The following RBM34 variants were observed in gnomAD, a reference collection of about 807,000 sequenced individuals.
The protein encoded by RBM34 is RNA-binding protein 34.
Under a neutral mutation model 44.6 loss-of-function variants are expected in RBM34, and 39 were observed. The observed-to-expected ratio is 0.87, with a 90% confidence interval of 0.68 to 1.14. RBM34 has a LOEUF of 1.14. Ranked by LOEUF, RBM34 falls within the 50% of genes most tolerant of loss-of-function variation. RBM34 has a pLI of 0.00. For missense variants in RBM34, 572 were observed against 517.9 expected (o/e 1.10, Z -1.01); for synonymous variants, 194 against 184.0 (o/e 1.05, Z -0.44).
intron 10 of RBM34, among the ~76,000 whole-genome samples, chr1:235,134,585 C>G (rs1347231663): frequency 6.6e-6 from 1 of 152,144 alleles, no homozygotes; most frequent in Non-Finnish European, 1.5e-5. Flanking sequence ...ATTATTTACT[C>G]TATCATACAG....
chr1:235,158,613 ATTAAGT>A (rs1208389292), intron 3 of RBM34, among the ~76,000 whole-genome samples: 2 of 152,168 alleles, frequency 1.3e-5, no homozygotes, highest in African/African-American at 4.8e-5. Context: ...GTACAGATGC[ATTAAGT>A]TTAAATAGGA....
At chr1:235,152,822 T>A in intron 4 of RBM34, 57 bp from the exon 5 acceptor site, 7 of 1,343,498 alleles carry the variant, frequency 5.2e-6, no homozygotes, top group South Asian at 1.3e-5. Context: ...AAATAAGTGC[T>A]ACAAAAAGGA....
intron 3 of RBM34, 107 bp downstream of exon 3, chr1:235,160,402 GTT>G: frequency 7.1e-7 from 1 of 1,401,464 alleles, no homozygotes; most frequent in Non-Finnish European, 9.9e-7. Flanking sequence ...CATAATAAAA[GTT>G]TTGAAAGAAA....
chr1:235,155,131 A>T lies in RBM34; in HGVS notation c.366-19T>A. On this transcript the variant is annotated intron_variant, in intron 3 of 10. Coordinates refer to ENST00000408888, the MANE Select transcript of RBM34 (RefSeq NM_015014.4). ...GCTTTCCCTTTTTAAGGCAAAAAAT[A>T]AAATAAGCAGTAAGAGTCATGCCAG... The T allele has an allele frequency of 6.2e-7, 1 of 1,600,476 alleles. No individual in the cohort carries two copies. Among genetic ancestry groups the T allele is most frequent in the Non-Finnish European group, 8.5e-7 (1 of 1,171,254 alleles).
intron 6 of RBM34, among the ~76,000 whole-genome samples, chr1:235,141,050 C>G (rs971252621): frequency 2.7e-5 from 4 of 150,172 alleles, no homozygotes; most frequent in Admixed American, 6.6e-5. Flanking sequence ...TCTGGTGGGG[C>G]CTTGGACAAC....
chr1:235,140,316 C>T (rs1229993708), intron 6 of RBM34, among the ~76,000 whole-genome samples: 1 of 152,162 alleles, frequency 6.6e-6, no homozygotes, highest in Non-Finnish European at 1.5e-5. Context: ...CAGGGCTGCG[C>T]GGCGCTTGCG....
At chr1:235,152,870 CTT>C (rs11351017) in intron 4 of RBM34, 105 bp from the exon 5 acceptor site, 57,842 of 584,690 alleles carry the variant, frequency 0.099, no homozygotes, top group South Asian at 0.16. Flanking sequence ...TACTGCCAGG[CTT>C]TTTTTTTTTT....
chr1:235,135,438 AG>A (rs1359296062), intron 10 of RBM34, among the ~76,000 whole-genome samples: 3 of 151,998 alleles, frequency 2.0e-5, no homozygotes, highest in Non-Finnish European at 4.4e-5. Flanking sequence ...CATGTGGGCC[AG>A]GCTGGTCTCA....
In RBM34 at chr1:235,153,014, C is replaced by T. The variant is rs550966587; in HGVS notation, c.598-249G>A. ...CCTCCCAAGTAGCTGGGATTACAGG[C>T]GCCCGCCACCATGCTCAGCTAATTT... On this transcript the variant is annotated intron_variant, in intron 4 of 10. Transcript: ENST00000408888. Among the ~76,000 whole-genome samples, 26 of 144,262 alleles carry T rather than the reference C, an allele frequency of 1.8e-4. No individual in the cohort carries two copies. In the South Asian group the frequency reaches 5.3e-3, roughly 29 times the overall value. 94.6% of individuals were successfully genotyped at this position (144,262 alleles called of 152,430 possible).
intron 3 of RBM34, among the ~76,000 whole-genome samples, chr1:235,155,812 C>CATACAT (rs1220915459): frequency 2.2e-4 from 18 of 82,720 alleles, no homozygotes; most frequent in African/African-American, 5.1e-4. Context: ...GTCTTTTATA[C>CATACAT]ATACATATAC....
intron 10 of RBM34, among the ~76,000 whole-genome samples, chr1:235,133,355 C>T (rs566467835): frequency 6.6e-6 from 1 of 152,174 alleles, no homozygotes; most frequent in Admixed American, 6.5e-5. Context: ...ACAAAAAACA[C>T]ATAACCACTG....
chr1:235,138,205 A>G, intron 6 of RBM34, 31 bp from the exon 7 acceptor site: 6 of 1,529,818 alleles, frequency 3.9e-6, no homozygotes, highest in Non-Finnish European at 5.3e-6. Context: ...GAAAGAAAGA[A>G]AAGAGAGACA....
chr1:235,132,849 A>C (rs1661274548), intron 10 of RBM34, among the ~76,000 whole-genome samples: 1 of 152,186 alleles, frequency 6.6e-6, no homozygotes, highest in Non-Finnish European at 1.5e-5. Flanking sequence ...AAGCTTATCA[A>C]GTAATAGAAG....
chr1:235,160,764 AT>A, intron 2 of RBM34, 117 bp from the exon 3 acceptor site: 1 of 1,509,150 alleles, frequency 6.6e-7, no homozygotes, highest in Non-Finnish European at 9.0e-7. Context: ...TGTAAGAGTC[AT>A]GAAAGGTTAC....
At chr1:235,155,822 C>CATATACATAT (rs1662387404) in intron 3 of RBM34, among the ~76,000 whole-genome samples, 2 of 64,196 alleles carry the variant, frequency 3.1e-5, no homozygotes, top group Non-Finnish European at 5.2e-5. Flanking sequence ...CATACATATA[C>CATATACATAT]ATATATATAT....
At chr1:235,144,785 G>A (rs1017644749) in intron 6 of RBM34, among the ~76,000 whole-genome samples, 5 of 152,194 alleles carry the variant, frequency 3.3e-5, no homozygotes, top group African/African-American at 1.2e-4. Flanking sequence ...GCTCATGCCT[G>A]TAATCCCAGC....
At chr1:235,151,958 A>T (rs532993066) in intron 5 of RBM34, among the ~76,000 whole-genome samples, 1 of 152,190 alleles carries the variant, frequency 6.6e-6, no homozygotes, top group South Asian at 2.1e-4. Context: ...GCTTGAACCC[A>T]GGAGGCGAAG....
chr1:235,140,379 C>T (rs531368855), intron 6 of RBM34, among the ~76,000 whole-genome samples: 21 of 152,100 alleles, frequency 1.4e-4, no homozygotes, highest in Non-Finnish European at 2.6e-4. Flanking sequence ...GCACTCGGAG[C>T]AGCCGGCCGG....
At chr1:235,145,966 G>GTTTTTTTT (rs34111332) in intron 6 of RBM34, among the ~76,000 whole-genome samples, 1 of 77,210 alleles carries the variant, frequency 1.3e-5, no homozygotes, top group Non-Finnish European at 2.3e-5. Flanking sequence ...ATTACAGCAG[G>GTTTTTTTT]TTTTTTTTTT....
Sources: allele counts gnomAD v4.1 joint callset (sites outside exome capture counted in the v4.1 genomes callset), GRCh38; gene constraint gnomAD v4.1.1; transcripts MANE v1.5; gene names NCBI Gene and HGNC (gene_info 2026-07-23, HGNC 2026-07-21).